The following PLPP3 variants were observed in gnomAD, a reference collection of about 807,000 sequenced individuals.
PLPP3 encodes the protein phospholipid phosphatase 3.
PLPP3 carries 6 observed loss-of-function variants against 29.6 expected under a neutral mutation model. That is an observed-to-expected ratio of 0.20 (90% CI 0.11 to 0.40). PLPP3 has a LOEUF of 0.40. Ranked by LOEUF, PLPP3 falls within the 10% of genes least tolerant of loss-of-function variation. PLPP3 has a pLI of 1.00. For missense variants in PLPP3, 308 were observed against 407.7 expected, an observed-to-expected ratio of 0.76 and a Z score of 2.11; for synonymous variants, 152 against 159.7, an observed-to-expected ratio of 0.95 and a Z score of 0.36.
intron 1 of PLPP3, among the ~76,000 whole-genome samples, chr1:56,557,047 AGAGAGAG>A (rs1387631482): frequency 3.3e-5 from 2 of 60,408 alleles, no homozygotes; most frequent in African/African-American, 4.7e-5. Context: ...AGAGAGAGAG[AGAGAGAG>A]AGAGAAAGAA....
chr1:56,553,173 A>T (rs956527853), intron 1 of PLPP3, among the ~76,000 whole-genome samples: 5 of 152,146 alleles, frequency 3.3e-5, no homozygotes, highest in Non-Finnish European at 7.4e-5. Context: ...CAGTCCTAAA[A>T]ATATGATTCA....
intron 1 of PLPP3, among the ~76,000 whole-genome samples, chr1:56,578,079 C>T (rs1450496013): frequency 6.6e-6 from 1 of 152,130 alleles, no homozygotes; most frequent in African/African-American, 2.4e-5. Flanking sequence ...TGGCTTCCAA[C>T]GACTTTGGAA....
chr1:56,534,757 A>C (rs1024102541), intron 2 of PLPP3, among the ~76,000 whole-genome samples: 8 of 152,128 alleles, frequency 5.3e-5, no homozygotes, highest in Admixed American at 2.0e-4. Flanking sequence ...CTTTGCTTTT[A>C]CCTTTTTCTG....
chr1:56,548,560 G>A (rs966844154), intron 1 of PLPP3, among the ~76,000 whole-genome samples: 1 of 152,156 alleles, frequency 6.6e-6, no homozygotes, highest in Non-Finnish European at 1.5e-5. Context: ...ATGGCAATGG[G>A]TGGCAAGAAA....
chr1:56,568,235 C>T (rs747118344), intron 1 of PLPP3, among the ~76,000 whole-genome samples: 5 of 151,260 alleles, frequency 3.3e-5, no homozygotes, highest in Non-Finnish European at 7.4e-5. Context: ...TTTACCTAAC[C>T]GTGAAGATAC....
At chr1:56,501,953 G>A (rs1285037951) in intron 5 of PLPP3, among the ~76,000 whole-genome samples, 2 of 152,146 alleles carry the variant, frequency 1.3e-5, no homozygotes, top group African/African-American at 4.8e-5. Flanking sequence ...GCCAAGAGTT[G>A]GCACACTCAA....
chr1:56,578,832 AGGGACGAGGGGCCGAG>A, intron 1 of PLPP3, 30 bp downstream of exon 1: 1 of 1,487,902 alleles, frequency 6.7e-7, no homozygotes, highest in Non-Finnish European at 8.9e-7. Context: ...ACGCGCGCCG[AGGGACGAGGGGCCGAG>A]GGGCCGAGGG....
At chr1:56,566,834 T>C (rs1235419605) in intron 1 of PLPP3, among the ~76,000 whole-genome samples, 1 of 152,188 alleles carries the variant, frequency 6.6e-6, no homozygotes, top group Non-Finnish European at 1.5e-5. Context: ...TGTCTTATAT[T>C]CTTTAATATT....
At chr1:56,573,774 C>T (rs1342005814) in intron 1 of PLPP3, among the ~76,000 whole-genome samples, 1 of 152,170 alleles carries the variant, frequency 6.6e-6, no homozygotes, top group Non-Finnish European at 1.5e-5. Flanking sequence ...ATATAACTGC[C>T]TACACAGGGA....
chr1:56,517,986 A>C (rs966687847), intron 4 of PLPP3, among the ~76,000 whole-genome samples: 2 of 152,152 alleles, frequency 1.3e-5, no homozygotes, highest in Non-Finnish European at 2.9e-5. Flanking sequence ...GTCCACCCCT[A>C]AGCAGAGAAT....
intron 1 of PLPP3, among the ~76,000 whole-genome samples, chr1:56,568,684 G>C (rs921760514): frequency 2.6e-5 from 4 of 152,178 alleles, no homozygotes; most frequent in Non-Finnish European, 5.9e-5. Context: ...GGAGTGCAGT[G>C]GCGTGATCTC....
intron 5 of PLPP3, among the ~76,000 whole-genome samples, chr1:56,509,045 A>G (rs114923744): frequency 0.025 from 3,852 of 152,294 alleles, 54 homozygotes; most frequent in South Asian, 0.087. Flanking sequence ...GATGGCTTCA[A>G]TGAAATGAAT....
At chr1:56,577,547 A>G (rs1646244365) in intron 1 of PLPP3, among the ~76,000 whole-genome samples, 1 of 152,210 alleles carries the variant, frequency 6.6e-6, no homozygotes, top group Non-Finnish European at 1.5e-5. Flanking sequence ...ACTGCACAGT[A>G]AGAGCAGTGC....
intron 1 of PLPP3, among the ~76,000 whole-genome samples, chr1:56,568,958 C>G (rs577568072): frequency 6.6e-6 from 1 of 151,836 alleles, no homozygotes; most frequent in South Asian, 2.1e-4. Context: ...CCTCTCTGCT[C>G]CCACCACAGT....
intron 2 of PLPP3, among the ~76,000 whole-genome samples, chr1:56,530,549 G>A (rs1427499544): frequency 6.6e-6 from 1 of 152,198 alleles, no homozygotes; most frequent in Non-Finnish European, 1.5e-5. Context: ...ACAAAGATGT[G>A]CAATCTTAGA....
intron 2 of PLPP3, among the ~76,000 whole-genome samples, chr1:56,535,322 A>G (rs1451233956): frequency 6.6e-6 from 1 of 152,202 alleles, no homozygotes; most frequent in Admixed American, 6.5e-5. Context: ...GGTGAAATGC[A>G]TCCACATTTT....
rs1229235030 is a variant in PLPP3 at position 56,495,892 on chromosome 1, T to C, written c.*659A>G. 6.6e-6 allele frequency: 1 copy of C among 152,666 alleles called. No homozygotes were observed. Among genetic ancestry groups the C allele is most frequent in the Non-Finnish European group, 1.5e-5 (1 of 68,064 alleles). 9.5% of individuals were successfully genotyped at this position (152,666 alleles called of 1,614,324 possible). ...GTGCCCTCGATTTCTTCTGAAATTG[T>C]GCTGTTTGTGAAATTCACTCGTCCA... On this transcript the variant is annotated 3_prime_UTR_variant, in exon 6 of 6. Transcript: ENST00000371250.
intron 1 of PLPP3, among the ~76,000 whole-genome samples, chr1:56,572,350 T>C (rs1345631177): frequency 3.3e-5 from 5 of 152,102 alleles, no homozygotes; most frequent in Non-Finnish European, 7.4e-5. Flanking sequence ...ACGCCTGGCC[T>C]TGCTGTTCTT....
chr1:56,563,946 T>C (rs1646145916), intron 1 of PLPP3, among the ~76,000 whole-genome samples: 1 of 152,246 alleles, frequency 6.6e-6, no homozygotes, highest in Admixed American at 6.5e-5. Flanking sequence ...CAGGAAATAC[T>C]GAAATGGACA....
Sources: gnomAD v4.1 joint callset for allele counts (sites outside exome capture counted in the v4.1 genomes callset) on GRCh38, gnomAD v4.1.1 for gene constraint, MANE v1.5 for transcripts, NCBI Gene and HGNC (gene_info 2026-07-23, HGNC 2026-07-21) for gene names.